Variants in MYO16 observed in about 807,000 individuals in gnomAD.
MYO16 encodes the protein unconventional myosin-XVI.
In MYO16, 94 loss-of-function variants were observed where a neutral mutation model predicts 205.3. The ratio of observed to expected loss-of-function variants is 0.46; its 90% CI spans 0.39 to 0.54. MYO16 has a LOEUF of 0.54. Among genes scored for constraint, MYO16 ranks in the 20% least tolerant of loss-of-function variants. MYO16 has a pLI of 0.00. For missense variants in MYO16, 2,315 were observed against 2,387.5 expected, an observed-to-expected ratio of 0.97 and a Z score of 0.63; for synonymous variants, 988 against 954.0, an observed-to-expected ratio of 1.04 and a Z score of -0.66.
At chr13:108,840,000 G>A (rs183922016) in intron 9 of MYO16, among the ~76,000 whole-genome samples, 1 of 152,164 alleles carries the variant, frequency 6.6e-6, no homozygotes, top group Admixed American at 6.5e-5. Flanking sequence ...TGTGCATTAT[G>A]TTATTAATCC....
chr13:108,806,746 T>C lies in MYO16; in HGVS notation c.809T>C (p.Leu270Pro). The stretch of plus-strand genomic sequence containing the variant: ...CTTATCCTGGAACATGGTGGAGACC[T>C]CAACATAGTAGATGATCAGTACTGG... ...VSLILEHGGDLNIVDDQYWTP... is the reference protein window; with the variant it reads ...VSLILEHGGDPNIVDDQYWTP... Residue 270 changes from leucine to proline, a missense_variant, in exon 7 of 35, where the codon CTC (leucine) becomes CCC (proline). Physicochemically the swap from Leu to Pro is moderately conservative, Grantham distance 98. Around this residue, in one of 3 missense-constraint regions of MYO16, gnomAD observed 1,213 missense variants for 1,274.4 expected, o/e 0.95. Coordinates refer to ENST00000457511, the MANE Select transcript of MYO16 (RefSeq NM_001198950.3). 4 of 1,613,194 alleles carry C rather than the reference T, an allele frequency of 2.5e-6. No individual in the cohort carries two copies. The highest frequency in any genetic ancestry group is 1.3e-5 in the African/African-American group (1 of 75,046).
chr13:108,798,910 T>C (rs1886885283), intron 6 of MYO16, among the ~76,000 whole-genome samples: 1 of 143,716 alleles, frequency 7.0e-6, no homozygotes, highest in African/African-American at 2.6e-5. Flanking sequence ...TTTCACCTTG[T>C]TAGCCGGGAT....
the MYO16 span, among the ~76,000 whole-genome samples, chr13:108,537,903 G>C: frequency 6.6e-6 from 1 of 151,940 alleles, no homozygotes; most frequent in Non-Finnish European, 1.5e-5. Flanking sequence ...TTAGTAGACT[G>C]TGGGTATTAA....
chr13:109,053,318 A>C (rs1887310103), intron 25 of MYO16, among the ~76,000 whole-genome samples: 1 of 148,588 alleles, frequency 6.7e-6, no homozygotes, highest in Non-Finnish European at 1.5e-5. Flanking sequence ...TATGAGTGTG[A>C]GTGAGTGTGA....
the MYO16 span, among the ~76,000 whole-genome samples, chr13:108,502,606 A>G: frequency 1.3e-5 from 2 of 152,202 alleles, no homozygotes; most frequent in Non-Finnish European, 2.9e-5. Flanking sequence ...TTTAAAAATA[A>G]ACCCAGGAGG....
At chr13:108,550,364 G>GCT in the MYO16 span, among the ~76,000 whole-genome samples, 10 of 152,248 alleles carry the variant, frequency 6.6e-5, no homozygotes, top group African/African-American at 2.4e-4. Context: ...GGACAAGCAT[G>GCT]CTCAAGTCAT....
At chr13:108,856,538 T>C (rs199930548) in intron 11 of MYO16, among the ~76,000 whole-genome samples, 11 of 152,360 alleles carry the variant, frequency 7.2e-5, no homozygotes, top group African/African-American at 2.4e-4. Context: ...TGGCATAAAG[T>C]GGTGAGAGCT....
chr13:108,748,229 G>A (rs1885124961), intron 4 of MYO16, among the ~76,000 whole-genome samples: 1 of 151,980 alleles, frequency 6.6e-6, no homozygotes, highest in Non-Finnish European at 1.5e-5. Flanking sequence ...CAAATATTTG[G>A]AGATTAAACA....
intron 15 of MYO16, among the ~76,000 whole-genome samples, chr13:108,898,388 G>GTGTGTGTGTGTGTGTA (rs1308975440): frequency 7.0e-6 from 1 of 143,076 alleles, no homozygotes; most frequent in African/African-American, 2.6e-5. Context: ...GTGTGTGTGT[G>GTGTGTGTGTGTGTGTA]TATACATACC....
chr13:108,635,161 A>G lies in MYO16; in HGVS notation c.28+5289A>G, dbSNP rs146261888. 2.7e-3 allele frequency among the ~76,000 whole-genome samples: 418 copies of G among 152,328 alleles called. 2 individuals carry two copies. The highest frequency in any genetic ancestry group is 9.6e-3 in the African/African-American group (401 of 41,578). On this transcript the variant is annotated intron_variant, in intron 1 of 34. Transcript: ENST00000457511. ...TGGTATGTGTAGTTTAAGGTTTTGT[A>G]GAAACTGCTAGATTTCTTTCAGTGA...
At chr13:108,632,489 A>T (rs538963571) in intron 1 of MYO16, among the ~76,000 whole-genome samples, 53 of 152,290 alleles carry the variant, frequency 3.5e-4, no homozygotes, top group Non-Finnish European at 6.5e-4. Flanking sequence ...CTCGCAAGGA[A>T]CTGTTAGTCA....
chr13:108,954,641 C>G (rs1440639063), intron 16 of MYO16, among the ~76,000 whole-genome samples: 1 of 152,074 alleles, frequency 6.6e-6, no homozygotes, highest in Non-Finnish European at 1.5e-5. Flanking sequence ...ATTCGGGAGG[C>G]TGAGGTGGGA....
chr13:108,852,575 G>A (rs1877937477), intron 10 of MYO16, among the ~76,000 whole-genome samples: 1 of 152,190 alleles, frequency 6.6e-6, no homozygotes, highest in Admixed American at 6.5e-5. Flanking sequence ...ACGTGAACGA[G>A]AACTCTGATT....
chr13:108,533,707 G>A, the MYO16 span, among the ~76,000 whole-genome samples: 3 of 152,216 alleles, frequency 2.0e-5, no homozygotes, highest in Non-Finnish European at 2.9e-5. Flanking sequence ...AATAAGCACA[G>A]CAAATATGTA....
chr13:109,143,211 C>T (rs543468950), intron 32 of MYO16, among the ~76,000 whole-genome samples: 10 of 152,102 alleles, frequency 6.6e-5, no homozygotes, highest in African/African-American at 2.4e-4. Flanking sequence ...ATTTGATTAG[C>T]GAAATTACTT....
At chr13:108,640,038 T>A (rs1880432847) in intron 1 of MYO16, among the ~76,000 whole-genome samples, 1 of 152,190 alleles carries the variant, frequency 6.6e-6, no homozygotes, top group Non-Finnish European at 1.5e-5. Flanking sequence ...GACACACAGC[T>A]GCAGCTCAGG....
intron 4 of MYO16, among the ~76,000 whole-genome samples, chr13:108,773,584 G>C (rs1886035214): frequency 1.3e-5 from 2 of 152,018 alleles, no homozygotes; most frequent in South Asian, 4.2e-4. Flanking sequence ...TTCTTACAAG[G>C]ATACTAGTCA....
chr13:109,111,104 A>G (rs890236682), intron 28 of MYO16, among the ~76,000 whole-genome samples: 1 of 152,244 alleles, frequency 6.6e-6, no homozygotes, highest in Non-Finnish European at 1.5e-5. Flanking sequence ...ACTGAGTGTT[A>G]TGAGAAAATG....
chr13:109,110,320 G>A (rs1889246593), intron 28 of MYO16, among the ~76,000 whole-genome samples: 1 of 152,162 alleles, frequency 6.6e-6, no homozygotes, highest in Non-Finnish European at 1.5e-5. Context: ...ATATCAATAT[G>A]ATTTCCATAA....
Sources: allele counts gnomAD v4.1 joint callset (sites outside exome capture counted in the v4.1 genomes callset), GRCh38; gene constraint gnomAD v4.1.1; regional missense constraint gnomAD v4.1.1; transcripts MANE v1.5; gene names NCBI Gene and HGNC (gene_info 2026-07-23, HGNC 2026-07-21).